The following GCNT2 variants were observed in gnomAD, a reference collection of about 807,000 sequenced individuals.
GCNT2 encodes N-acetyllactosaminide beta-1,6-N-acetylglucosaminyl-transferase.
A neutral mutation model predicts 34.2 loss-of-function variants in GCNT2; 34 were observed. The observed-to-expected ratio is 1.00, with a 90% CI of 0.76 to 1.32. The LOEUF (loss-of-function observed/expected upper bound fraction) is 1.32. Among genes scored for constraint, GCNT2 ranks in the 40% most tolerant of loss-of-function variants. The pLI is 0.00. For missense variants in GCNT2, 584 were observed against 489.4 expected (o/e 1.19, Z -1.82); for synonymous variants, 212 against 188.0 (o/e 1.13, Z -1.04).
chr6:10,568,068 C>T lies in GCNT2; in HGVS notation c.925+38232C>T, dbSNP rs114977147. Among the ~76,000 whole-genome samples the T allele has an allele frequency of 2.8e-3, 425 of 152,302 alleles. 4 individuals are homozygous for T. The highest frequency in any genetic ancestry group is 9.7e-3 in the African/African-American group (404 of 41,546). ...GAGAAATGTTTTCAGGAAACATCCT[C>T]CTCAGTTCTTGCCTCAGTTTACTTC... On this transcript the variant is annotated intron_variant, in intron 3 of 4. Transcript: ENST00000495262.
intron 3 of GCNT2, chr6:10,555,655 G>C (rs7740437): frequency 2.6e-6 from 2 of 755,640 alleles, no homozygotes; most frequent in African/African-American, 3.8e-5. Flanking sequence ...GTTCGTTTCA[G>C]AGTCAGGAGC....
intron 3 of GCNT2, among the ~76,000 whole-genome samples, chr6:10,543,826 G>C (rs1468423755): frequency 1.3e-5 from 2 of 152,152 alleles, no homozygotes; most frequent in Non-Finnish European, 2.9e-5. Context: ...TATGGAGTCT[G>C]TATTACTTGC....
intron 3 of GCNT2, among the ~76,000 whole-genome samples, chr6:10,618,199 C>G (rs1276189468): frequency 6.6e-6 from 1 of 152,208 alleles, no homozygotes; most frequent in African/African-American, 2.4e-5. Context: ...TCAACTTGTT[C>G]TGTTTGCCCT....
At chr6:10,582,204 AATTT>A (rs1314187607) in intron 3 of GCNT2, among the ~76,000 whole-genome samples, 3 of 127,402 alleles carry the variant, frequency 2.4e-5, no homozygotes, top group African/African-American at 6.0e-5. Flanking sequence ...TAATATATAA[AATTT>A]ATTATATATA....
intron 3 of GCNT2, among the ~76,000 whole-genome samples, chr6:10,583,119 A>G (rs1764194204): frequency 6.6e-6 from 1 of 152,266 alleles, no homozygotes; most frequent in South Asian, 2.1e-4. Context: ...AAAGGCCTCA[A>G]TGTGCTCATC....
intron 3 of GCNT2, among the ~76,000 whole-genome samples, chr6:10,538,373 A>C (rs1403485547): frequency 7.6e-6 from 1 of 130,804 alleles, no homozygotes; most frequent in Non-Finnish European, 1.5e-5. Context: ...GCACCATTGC[A>C]CTCTGGCCTG....
chr6:10,523,783 T>C (rs1399112178), intron 1 of GCNT2, among the ~76,000 whole-genome samples: 16 of 151,866 alleles, frequency 1.1e-4, no homozygotes, highest in Non-Finnish European at 2.9e-5. Flanking sequence ...CCATCCTGGC[T>C]AACACGGTGA....
At chr6:10,607,130 T>C (rs1417587729) in intron 3 of GCNT2, among the ~76,000 whole-genome samples, 2 of 151,988 alleles carry the variant, frequency 1.3e-5, no homozygotes, top group Non-Finnish European at 2.9e-5. Flanking sequence ...GTATTTTTAG[T>C]AGAGACGGGG....
chr6:10,598,309 G>T (rs1020406207), intron 3 of GCNT2, among the ~76,000 whole-genome samples: 1 of 152,172 alleles, frequency 6.6e-6, no homozygotes, highest in Non-Finnish European at 1.5e-5. Context: ...GAGAGTTACA[G>T]ACTATGGGGG....
intron 3 of GCNT2, among the ~76,000 whole-genome samples, chr6:10,537,611 G>A (rs1187438159): frequency 6.7e-6 from 1 of 148,266 alleles, no homozygotes; most frequent in Non-Finnish European, 1.5e-5. Flanking sequence ...TGAAGCAGGG[G>A]AATCGCTTAA....
chr6:10,617,455 G>T (rs1581489792), intron 3 of GCNT2, among the ~76,000 whole-genome samples: 1 of 152,216 alleles, frequency 6.6e-6, no homozygotes, highest in Non-Finnish European at 1.5e-5. Context: ...AGCCCAGAAA[G>T]GGGCTCCCAC....
intron 3 of GCNT2, among the ~76,000 whole-genome samples, chr6:10,598,071 C>T (rs1764935378): frequency 1.3e-5 from 2 of 152,138 alleles, no homozygotes; most frequent in Non-Finnish European, 2.9e-5. Context: ...GCCTCAGTTT[C>T]CTCATGTGTA....
intron 3 of GCNT2, chr6:10,573,391 C>G (rs903383134): frequency 2.9e-6 from 2 of 681,148 alleles, no homozygotes; most frequent in African/African-American, 3.9e-5. Flanking sequence ...GTGTTAACAG[C>G]TGGGCAGTTA....
chr6:10,546,102 G>A (rs1762251903), intron 3 of GCNT2, among the ~76,000 whole-genome samples: 1 of 152,158 alleles, frequency 6.6e-6, no homozygotes, highest in Non-Finnish European at 1.5e-5. Flanking sequence ...TCCCTGCCAT[G>A]TCTGTGCATG....
chr6:10,573,996 C>T (rs1392751988), intron 3 of GCNT2, among the ~76,000 whole-genome samples: 1 of 152,218 alleles, frequency 6.6e-6, no homozygotes, highest in Non-Finnish European at 1.5e-5. Context: ...CCAGGTTTGG[C>T]AACAGAGAGA....
At chr6:10,616,858 G>A (rs1765790517) in intron 3 of GCNT2, among the ~76,000 whole-genome samples, 1 of 152,204 alleles carries the variant, frequency 6.6e-6, no homozygotes, top group Admixed American at 6.5e-5. Flanking sequence ...CAAAACCTGA[G>A]CTAGACACAG....
At chr6:10,562,468 A>G (rs1763031731) in intron 3 of GCNT2, among the ~76,000 whole-genome samples, 1 of 152,054 alleles carries the variant, frequency 6.6e-6, no homozygotes, top group Admixed American at 6.6e-5. Flanking sequence ...CGGTAGTCCC[A>G]GCACTTTTTG....
intron 3 of GCNT2, among the ~76,000 whole-genome samples, chr6:10,571,222 A>G (rs1763539811): frequency 6.6e-6 from 1 of 152,142 alleles, no homozygotes; most frequent in Non-Finnish European, 1.5e-5. Context: ...CTACAATCCC[A>G]TATGTTTCTA....
chr6:10,607,170 A>C (rs900043952), intron 3 of GCNT2, among the ~76,000 whole-genome samples: 1 of 151,758 alleles, frequency 6.6e-6, no homozygotes, highest in Non-Finnish European at 1.5e-5. Flanking sequence ...CTGGTTTTGA[A>C]CTCTTGACCT....
Sources: allele counts gnomAD v4.1 joint callset (sites outside exome capture counted in the v4.1 genomes callset), GRCh38; gene constraint gnomAD v4.1.1; transcripts MANE v1.5; gene names NCBI Gene and HGNC (gene_info 2026-07-23, HGNC 2026-07-21).